Variants in PDCD2L observed in about 807,000 individuals in gnomAD.
The protein encoded by PDCD2L is uS5 assembly chaperone PDCD2L.
In PDCD2L, 44 loss-of-function variants were observed where a neutral mutation model predicts 40.4. That is an observed-to-expected ratio of 1.09 (90% confidence interval 0.86 to 1.40). The LOEUF (loss-of-function observed/expected upper bound fraction) is 1.40. Among genes scored for constraint, PDCD2L ranks in the 40% most tolerant of loss-of-function variants. The probability of loss-of-function intolerance (pLI) is 0.00; values close to 1 mark genes in which losing one functional copy is unlikely to be tolerated. For synonymous variants in PDCD2L, 194 were observed against 174.6 expected, an observed-to-expected ratio of 1.11 and a Z score of -0.88; for missense variants, 470 against 453.7, an observed-to-expected ratio of 1.04 and a Z score of -0.33.
intron 4 of PDCD2L, among the ~76,000 whole-genome samples, chr19:34,410,970 A>G (rs1054790503): frequency 6.6e-6 from 1 of 151,060 alleles, no homozygotes; most frequent in African/African-American, 2.4e-5. Context: ...TTATTAGTAG[A>G]GACGGGGTTT....
intron 5 of PDCD2L, among the ~76,000 whole-genome samples, chr19:34,419,166 G>GT (rs574668219): frequency 2.9e-4 from 43 of 147,436 alleles, no homozygotes; most frequent in South Asian, 4.3e-4. Flanking sequence ...TTTGTTTTTT[G>GT]TTTTTTTTTT....
At chr19:34,411,967 T>C (rs1033535016) in intron 4 of PDCD2L, among the ~76,000 whole-genome samples, 2 of 145,638 alleles carry the variant, frequency 1.4e-5, no homozygotes, top group African/African-American at 5.0e-5. Flanking sequence ...AAAATACATA[T>C]ATATATATAT....
At chr19:34,425,360 G>A (rs1378211805) in intron 6 of PDCD2L, among the ~76,000 whole-genome samples, 3 of 149,136 alleles carry the variant, frequency 2.0e-5, no homozygotes, top group African/African-American at 7.4e-5. Context: ...GAGTACGGTG[G>A]TGCAATCATA....
At chr19:34,416,214 C>T (rs1213231386) in intron 5 of PDCD2L, among the ~76,000 whole-genome samples, 4 of 152,000 alleles carry the variant, frequency 2.6e-5, no homozygotes, top group African/African-American at 7.2e-5. Context: ...AGCCACCATG[C>T]CCGGCCTAAG....
At chr19:34,414,474 C>CTTTT (rs35413401) in intron 5 of PDCD2L, among the ~76,000 whole-genome samples, 20 of 39,794 alleles carry the variant, frequency 5.0e-4, no homozygotes, top group African/African-American at 1.7e-3. Flanking sequence ...CCATGCCTGG[C>CTTTT]TTTTTTTTTT....
intron 5 of PDCD2L, among the ~76,000 whole-genome samples, chr19:34,415,074 C>G (rs1474214616): frequency 6.6e-6 from 1 of 151,962 alleles, no homozygotes; most frequent in Non-Finnish European, 1.5e-5. Flanking sequence ...ATGGGATTAC[C>G]GGCATCAGCC....
At chr19:34,410,301 G>C (rs2075096093) in intron 4 of PDCD2L, among the ~76,000 whole-genome samples, 1 of 152,144 alleles carries the variant, frequency 6.6e-6, no homozygotes, top group South Asian at 2.1e-4. Context: ...ACCCAGGCTG[G>C]AGTGCAATGG....
At chr19:34,421,886 G>A (rs1230199379) in intron 6 of PDCD2L, 3 of 390,152 alleles carry the variant, frequency 7.7e-6, no homozygotes, top group East Asian at 5.9e-5. Flanking sequence ...TCAGGAGATC[G>A]AGGCCATCCT....
rs747387266 is a variant in PDCD2L, at chr19:34,426,079, T to G, written c.1036T>G (p.Cys346Gly). 7.5e-6 allele frequency: 12 copies of G among 1,599,190 alleles called. No homozygotes were observed. The highest frequency in any genetic ancestry group is 1.7e-5 in the Admixed American group (1 of 59,982). Residue 346 changes from cysteine to glycine, a missense_variant, in exon 7 of 7, where the codon TGT becomes GGT. Cys to Gly is a radical substitution (Grantham distance 159, BLOSUM62 -3). Coordinates refer to ENST00000246535, the MANE Select transcript of PDCD2L (RefSeq NM_032346.2). ...TCATCAGACTCCCATGGAAGAATTT[T>G]GTATTATACAAGAAGACCCAGATGA... ...PNHQTPMEEF[C>G]IIQEDPDELL...
chr19:34,408,601 G>A (rs1438520718), intron 3 of PDCD2L, among the ~76,000 whole-genome samples: 2 of 152,204 alleles, frequency 1.3e-5, no homozygotes, highest in African/African-American at 2.4e-5. Context: ...AGAACTGGCC[G>A]TGAAGGAGCT....
chr19:34,413,327 A>AT (rs34915589), intron 4 of PDCD2L, among the ~76,000 whole-genome samples: 19,334 of 98,872 alleles, frequency 0.2, 2,683 homozygotes, highest in East Asian at 0.53. Context: ...GGCGTGATTG[A>AT]TTTTTTTTTT....
chr19:34,406,318 C>G (rs983134726), intron 3 of PDCD2L, among the ~76,000 whole-genome samples: 1 of 152,126 alleles, frequency 6.6e-6, no homozygotes, highest in Non-Finnish European at 1.5e-5. Flanking sequence ...CATTCATCAC[C>G]TCAAATACTT....
chr19:34,421,747 T>C lies in PDCD2L; in HGVS notation c.946+80T>C, dbSNP rs2075152455. ...AAATGAAAAACCTTTTGTTTACTTA[T>C]AAAATATCATAAGCAAATTACAGAA... On this transcript the variant is annotated intron_variant, in intron 6 of 6. Coordinates refer to ENST00000246535, the MANE Select transcript of PDCD2L (RefSeq NM_032346.2). 2.9e-5 allele frequency: 42 copies of C among 1,463,972 alleles called. 1 individual carries two copies. In the South Asian group the frequency reaches 4.7e-4, roughly 17 times the overall value. The allele number at this position is 1,463,972 out of a possible 1,614,324, so 90.7% of individuals were successfully genotyped here. A position where few individuals can be genotyped will look rare whatever the true frequency, so the allele number is the denominator to read the frequency against.
In PDCD2L at chr19:34,409,296, T is replaced by A. The variant is rs780505061; in HGVS notation, c.472T>A (p.Trp158Arg). 1 of 1,614,156 alleles carries A rather than the reference T, an allele frequency of 6.2e-7. No individual in the cohort carries two copies. The highest frequency in any genetic ancestry group is 1.7e-5 in the Admixed American group (1 of 60,016). The change falls in exon 4 of 7, where the codon TGG becomes AGG. Residue 158 changes from tryptophan (W) to arginine (R), a missense_variant. Coordinates refer to ENST00000246535, the MANE Select transcript of PDCD2L (RefSeq NM_032346.2). ...NDASSAKDVD[W>R]TARLQDLRLQ... ...TGCCAGCAGTGCCAAAGACGTAGAC[T>A]GGACTGCTCGGCTCCAAGACCTCCG...
intron 6 of PDCD2L, among the ~76,000 whole-genome samples, chr19:34,422,842 A>G (rs2145473650): frequency 6.6e-6 from 1 of 152,046 alleles, no homozygotes; most frequent in East Asian, 1.9e-4. Flanking sequence ...CAGCCTCCCA[A>G]GGAGCTGGGA....
rs758200905 is a variant in PDCD2L at position 34,426,146 on chromosome 19, TAAAAC to T, written c.*30_*34del. 91 of 1,472,848 alleles carry T rather than the reference TAAAAC, an allele frequency of 6.2e-5. No individual in the cohort carries two copies. The highest frequency in any genetic ancestry group is 7.8e-5 in the Non-Finnish European group (83 of 1,063,770). 91.2% of individuals were successfully genotyped at this position (1,472,848 alleles called of 1,614,324 possible). A position where few individuals can be genotyped will look rare whatever the true frequency, so the allele number is the denominator to read the frequency against. ...AGCATTTCCTTTTATTAATATAAATTAAAACAAATGTTTACATCCAAATATGTTTG... is the reference window on the plus strand; with the variant it reads ...AGCATTTCCTTTTATTAATATAAATTAAATGTTTACATCCAAATATGTTTG... On this transcript the variant is annotated 3_prime_UTR_variant, in exon 7 of 7. Coordinates refer to ENST00000246535, the MANE Select transcript of PDCD2L (RefSeq NM_032346.2).
intron 5 of PDCD2L, among the ~76,000 whole-genome samples, chr19:34,417,675 G>A (rs1340786988): frequency 1.3e-5 from 2 of 151,998 alleles, no homozygotes; most frequent in East Asian, 3.8e-4. Context: ...TACTGGTATA[G>A]AGGAAAGACT....
intron 2 of PDCD2L, 27 bp from the exon 3 acceptor site, chr19:34,404,903 T>C (rs759226991): frequency 1.2e-6 from 2 of 1,613,740 alleles, no homozygotes; most frequent in South Asian, 2.2e-5. Context: ...GGTGCAGCCC[T>C]CACGGCCCTT....
Position 34,409,445 on chromosome 19 carries a change from C to G in PDCD2L, c.621C>G (p.Ala207=). Residue 207 remains alanine, a synonymous_variant, in exon 4 of 7, where the codon GCC becomes GCG. Transcript: ENST00000246535. The part of the protein sequence containing the change: ...DYRDFVNLDH[A]HSLLRDYQQR... ...GGGACTTTGTCAACCTGGATCATGC[C>G]CACAGCCTTCTGAGGGACTATCAGC... 6.2e-7 allele frequency: 1 copy of G among 1,614,110 alleles called. No homozygotes were observed. The highest frequency in any genetic ancestry group is 1.7e-5 in the Admixed American group (1 of 60,008).
Sources: gnomAD v4.1 joint callset for allele counts (sites outside exome capture counted in the v4.1 genomes callset) on GRCh38, gnomAD v4.1.1 for gene constraint, MANE v1.5 for transcripts, NCBI Gene and HGNC (gene_info 2026-07-23, HGNC 2026-07-21) for gene names.